The following ZNF618 variants were observed in gnomAD, a reference collection of about 807,000 sequenced individuals.
ZNF618 encodes zinc finger protein 618.
In ZNF618, 34 loss-of-function variants were observed where a neutral mutation model predicts 103.0. The ratio of observed to expected loss-of-function variants is 0.33; its 90% CI spans 0.25 to 0.44. The LOEUF (loss-of-function observed/expected upper bound fraction) is 0.44. Among genes scored for constraint, ZNF618 ranks in the 20% least tolerant of loss-of-function variants. The pLI is 1.00. For missense variants in ZNF618, 1,059 were observed against 1,295.4 expected (o/e 0.82, Z 2.80); for synonymous variants, 551 against 542.2 (o/e 1.02, Z -0.23).
At position 114,050,081 on chromosome 9, in the gene ZNF618, G is replaced by C; in HGVS notation, c.2779G>C (p.Glu927Gln). The C allele has an allele frequency of 1.9e-6, 3 of 1,612,606 alleles. No individual in the cohort carries two copies. The South Asian group carries it at 3.3e-5, about 18-fold the overall frequency. The change falls in exon 15 of 15, where the codon GAA becomes CAA. Residue 927 changes from glutamate (E) to glutamine (Q), a missense_variant. By Grantham distance (29) the Glu-to-Gln change is conservative. Transcript: ENST00000374126. ...CAGAAGCGGGTGTGTAAATATGTGT[G>C]AACAAGCGCTTCTAATCAAACGGAG... ...GARSGCVNMC[E>Q]QALLIKRRRL...
intron 1 of ZNF618, among the ~76,000 whole-genome samples, chr9:113,917,383 A>T (rs1588035217): frequency 6.6e-6 from 1 of 150,632 alleles, no homozygotes; most frequent in African/African-American, 2.4e-5. Context: ...GTAGGGAGGG[A>T]CTACAGGCGT....
intron 6 of ZNF618, among the ~76,000 whole-genome samples, chr9:114,003,897 C>G (rs1399144408): frequency 1.3e-5 from 2 of 152,146 alleles, no homozygotes; most frequent in Non-Finnish European, 2.9e-5. Context: ...AGTATTCAGC[C>G]CTGCCCTTGT....
At chr9:113,973,656 C>G (rs1838213635) in intron 2 of ZNF618, among the ~76,000 whole-genome samples, 1 of 152,196 alleles carries the variant, frequency 6.6e-6, no homozygotes, top group South Asian at 2.1e-4. Context: ...CCCACTTATT[C>G]TAAGGGTCAG....
intron 2 of ZNF618, among the ~76,000 whole-genome samples, chr9:113,976,962 G>T (rs1838528694): frequency 6.6e-6 from 1 of 152,110 alleles, no homozygotes; most frequent in African/African-American, 2.4e-5. Context: ...CATCTGCTTT[G>T]TCATCCCCAA....
At chr9:114,000,043 C>G (rs972289643) in intron 4 of ZNF618, among the ~76,000 whole-genome samples, 1 of 152,208 alleles carries the variant, frequency 6.6e-6, no homozygotes, top group Non-Finnish European at 1.5e-5. Flanking sequence ...AATATGCAAT[C>G]TCATCTTTGT....
chr9:113,995,947 G>T (rs530971421), intron 3 of ZNF618, among the ~76,000 whole-genome samples: 53 of 152,316 alleles, frequency 3.5e-4, no homozygotes, highest in Admixed American at 4.6e-4. Flanking sequence ...GAACCAGCGA[G>T]TGGGGCCTCC....
intron 12 of ZNF618, 96 bp downstream of exon 12, chr9:114,032,824 T>C: frequency 2.8e-6 from 3 of 1,075,652 alleles, no homozygotes; most frequent in Non-Finnish European, 4.3e-6. Flanking sequence ...GCTGGGGTCT[T>C]TGTGGTGCAT....
chr9:114,048,583 G>C, intron 14 of ZNF618, 68 bp from the exon 15 acceptor site: 1 of 1,500,960 alleles, frequency 6.7e-7, no homozygotes, highest in Non-Finnish European at 9.1e-7. Flanking sequence ...TAGAGTGTTA[G>C]GCTACTGCCA....
chr9:114,000,574 A>T (rs10817551), intron 4 of ZNF618, among the ~76,000 whole-genome samples: 37,558 of 136,214 alleles, frequency 0.28, 5,475 homozygotes, highest in Middle Eastern at 0.4. Flanking sequence ...AGGAAAACCA[A>T]AAGGTTGGAC....
In ZNF618 at chr9:113,885,132, G is replaced by T. The variant is rs555509243; in HGVS notation, c.33+8719G>T. On this transcript the variant is annotated intron_variant, in intron 1 of 14. Coordinates refer to ENST00000374126, the MANE Select transcript of ZNF618 (RefSeq NM_001318042.2). ...GGAGACGCCTGTGGCTAGGCAGCTG[G>T]ATTGGATGGTGTCTCTCAGCAGTGT... Among the ~76,000 whole-genome samples, 137 of 152,276 alleles carry T rather than the reference G, an allele frequency of 9.0e-4. 1 individual carries two copies. The highest frequency in any genetic ancestry group is 4.3e-3 in the East Asian group (22 of 5,160).
intron 1 of ZNF618, among the ~76,000 whole-genome samples, chr9:113,895,603 A>G (rs1233047808): frequency 1.3e-5 from 2 of 152,132 alleles, no homozygotes; most frequent in Non-Finnish European, 2.9e-5. Flanking sequence ...CATGGAGGAT[A>G]AATACATTTA....
chr9:113,956,448 A>G (rs1395612718), intron 1 of ZNF618, among the ~76,000 whole-genome samples: 1 of 152,110 alleles, frequency 6.6e-6, no homozygotes, highest in Non-Finnish European at 1.5e-5. Flanking sequence ...GATTCCTTGG[A>G]CCCCATTCAC....
chr9:114,033,441 C>T (rs1420935324), intron 12 of ZNF618, among the ~76,000 whole-genome samples: 1 of 150,866 alleles, frequency 6.6e-6, no homozygotes, highest in East Asian at 2.0e-4. Flanking sequence ...CCAGAGGCTC[C>T]AAGTTCTGGT....
In ZNF618 at chr9:113,988,407, G is replaced by A. The variant is rs1839697102; in HGVS notation, c.164G>A (p.Gly55Glu). Residue 55 changes from glycine (G) to glutamate (E), a missense_variant, in exon 3 of 15, where the codon GGA (glycine) becomes GAA (glutamate). Physicochemically the swap from Gly to Glu is moderately conservative, Grantham distance 98. Coordinates refer to ENST00000374126, the MANE Select transcript of ZNF618 (RefSeq NM_001318042.2). ...PAEASLSAEQGTMTEVKVKTE... is the reference protein window; with the variant it reads ...PAEASLSAEQETMTEVKVKTE... ...GAGGCCTCGCTGAGTGCCGAGCAAG[G>A]AACGATGACGGAGGTGAAGGTGAAG... The A allele has an allele frequency of 1.9e-6, 3 of 1,613,682 alleles. No individual in the cohort carries two copies. Among genetic ancestry groups the A allele is most frequent in the Non-Finnish European group, 2.5e-6 (3 of 1,179,892 alleles).
In ZNF618 at chr9:114,032,722, T is replaced by C; in HGVS notation, c.1162T>C (p.Ser388Pro). The change falls in exon 12 of 15, where the codon TCC becomes CCC. Residue 388 changes from serine (S) to proline (P), a missense_variant. By Grantham distance (74) the Ser-to-Pro change is moderately conservative (BLOSUM62 -1). Coordinates refer to ENST00000374126, the MANE Select transcript of ZNF618 (RefSeq NM_001318042.2). Reference sequence around the variant, plus strand: ...AGAGACGAACAGCAGTTCGCAGAACTCCAGCGGTGAGTGTGCCCCTTGACA... The same window carrying C: ...AGAGACGAACAGCAGTTCGCAGAACCCCAGCGGTGAGTGTGCCCCTTGACA... ...FEETNSSSQN[S>P]SEPYTCGACG... 6.2e-7 allele frequency: 1 copy of C among 1,614,002 alleles called. No homozygotes were observed. Among genetic ancestry groups the C allele is most frequent in the Non-Finnish European group, 8.5e-7 (1 of 1,179,852 alleles).
intron 1 of ZNF618, among the ~76,000 whole-genome samples, chr9:113,876,759 C>G (rs1827979596): frequency 1.3e-5 from 2 of 151,898 alleles, no homozygotes; most frequent in African/African-American, 4.8e-5. Context: ...CCCCTTCCAG[C>G]TCTGCCCCCT....
intron 2 of ZNF618, among the ~76,000 whole-genome samples, chr9:113,980,904 G>T (rs1380132767): frequency 6.6e-6 from 1 of 152,216 alleles, no homozygotes; most frequent in Non-Finnish European, 1.5e-5. Flanking sequence ...AGCTGTGGTG[G>T]AGTAGTGGAG....
chr9:113,985,640 G>A (rs1463211800), intron 2 of ZNF618, among the ~76,000 whole-genome samples: 1 of 152,212 alleles, frequency 6.6e-6, no homozygotes, highest in African/African-American at 2.4e-5. Flanking sequence ...TTTTGGCTCT[G>A]TTCTGGATGC....
At chr9:113,936,873 G>GT (rs931595295) in intron 1 of ZNF618, among the ~76,000 whole-genome samples, 3 of 151,658 alleles carry the variant, frequency 2.0e-5, no homozygotes, top group African/African-American at 4.8e-5. Context: ...CTTTTTGTGT[G>GT]TTTTTTCCAA....
Sources: gnomAD v4.1 joint callset for allele counts (sites outside exome capture counted in the v4.1 genomes callset) on GRCh38, gnomAD v4.1.1 for gene constraint, MANE v1.5 for transcripts, NCBI Gene and HGNC (gene_info 2026-07-23, HGNC 2026-07-21) for gene names.